Variants in DYNC2I1 observed in about 807,000 individuals in gnomAD.
DYNC2I1 encodes cytoplasmic dynein 2 intermediate chain 1.
A neutral mutation model predicts 133.4 loss-of-function variants in DYNC2I1; 89 were observed. The observed-to-expected ratio is 0.67, with a 90% CI of 0.56 to 0.80. The LOEUF (loss-of-function observed/expected upper bound fraction) is 0.80, where lower values mean the gene tolerates loss of function less well. DYNC2I1 is among the 30% of genes least tolerant of loss of function. The pLI, the probability that DYNC2I1 is intolerant of heterozygous loss-of-function variation, is 0.00. For synonymous variants in DYNC2I1, 504 were observed against 484.3 expected (o/e 1.04, Z -0.54); for missense variants, 1,291 against 1,314.5 (o/e 0.98, Z 0.28).
chr7:158,861,332 G>A (rs1416393454), intron 1 of DYNC2I1, among the ~76,000 whole-genome samples: 1 of 152,146 alleles, frequency 6.6e-6, no homozygotes, highest in Non-Finnish European at 1.5e-5. Context: ...CAGACACAGC[G>A]AGCTTAATCT....
chr7:158,930,047 G>T (rs1202113467), intron 20 of DYNC2I1, among the ~76,000 whole-genome samples: 2 of 152,216 alleles, frequency 1.3e-5, no homozygotes, highest in African/African-American at 2.4e-5. Context: ...ATGGTGGAGA[G>T]AGAGGTCCTG....
intron 10 of DYNC2I1, chr7:158,905,280 A>G: frequency 3.0e-6 from 1 of 334,982 alleles, no homozygotes. Context: ...AGCTGGGACT[A>G]CAGGTGCTCG....
At chr7:158,912,778 C>T (rs545624570) in intron 12 of DYNC2I1, among the ~76,000 whole-genome samples, 2 of 152,244 alleles carry the variant, frequency 1.3e-5, no homozygotes, top group South Asian at 2.1e-4. Context: ...AAAGGGAAAT[C>T]GTTTGGTGAG....
chr7:158,877,689 AT>A (rs983945293), intron 4 of DYNC2I1, among the ~76,000 whole-genome samples: 12 of 151,692 alleles, frequency 7.9e-5, no homozygotes, highest in South Asian at 4.2e-4. Flanking sequence ...ACTTTTGCTT[AT>A]TTTTTTTCTC....
At chr7:158,886,154 T>C (rs1844577312) in intron 6 of DYNC2I1, among the ~76,000 whole-genome samples, 2 of 152,032 alleles carry the variant, frequency 1.3e-5, no homozygotes, top group South Asian at 4.1e-4. Context: ...TGTTTTGTGA[T>C]GGAGTCTTGC....
chr7:158,857,620 C>G (rs1004446009), intron 1 of DYNC2I1, among the ~76,000 whole-genome samples: 1 of 149,442 alleles, frequency 6.7e-6, no homozygotes, highest in Non-Finnish European at 1.5e-5. Context: ...TTACTGCAAC[C>G]TCCGACTCCA....
chr7:158,923,015 G>A (rs1340044832), intron 16 of DYNC2I1, among the ~76,000 whole-genome samples: 2 of 152,174 alleles, frequency 1.3e-5, no homozygotes, highest in Non-Finnish European at 2.9e-5. Flanking sequence ...GTCGCTCACA[G>A]CCCTTCTGGA....
chr7:158,955,338 A>G (rs1407165297), intron 4 of DYNC2I1, among the ~76,000 whole-genome samples: 1 of 152,014 alleles, frequency 6.6e-6, no homozygotes, highest in Non-Finnish European at 1.5e-5. Context: ...ACCCTGCCGC[A>G]CCTCTGCCAT....
At chr7:158,916,486 G>C (rs866101866) in intron 14 of DYNC2I1, among the ~76,000 whole-genome samples, 1 of 63,072 alleles carries the variant, frequency 1.6e-5, no homozygotes, top group East Asian at 3.3e-4. Context: ...ACGTCTACAT[G>C]CTGGTTGACA....
At chr7:158,857,031 C>G (rs1254472169) in intron 1 of DYNC2I1, among the ~76,000 whole-genome samples, 1 of 152,098 alleles carries the variant, frequency 6.6e-6, no homozygotes, top group African/African-American at 2.4e-5. Flanking sequence ...CTCCTCGCGC[C>G]CGGCCTGGAG....
chr7:158,926,563 T>G (rs1849648127), intron 19 of DYNC2I1, 100 bp downstream of exon 19: 1 of 1,314,422 alleles, frequency 7.6e-7, no homozygotes, highest in Non-Finnish European at 1.1e-6. Context: ...CAGTTAGCTG[T>G]GGTGGGAAAC....
upstream of DYNC2I1, among the ~76,000 whole-genome samples, chr7:158,851,634 A>T (rs1841063026): frequency 6.6e-6 from 1 of 152,232 alleles, no homozygotes; most frequent in African/African-American, 2.4e-5. Context: ...CAGGCCAACT[A>T]TAATAAGACT....
At chr7:158,905,936 C>T in intron 10 of DYNC2I1, 53 bp from the exon 11 acceptor site, 1 of 1,422,826 alleles carries the variant, frequency 7.0e-7, no homozygotes, top group Non-Finnish European at 9.7e-7. Flanking sequence ...TATTTTTTTG[C>T]TTGGAAGACA....
chr7:158,902,780 GC>G, intron 10 of DYNC2I1, 185 bp downstream of exon 10: 1 of 595,886 alleles, frequency 1.7e-6, no homozygotes, highest in East Asian at 2.8e-5. Context: ...TTGAGCACGA[GC>G]CCATCCAGAA....
At chr7:158,874,872 C>G (rs1002919686) in intron 3 of DYNC2I1, among the ~76,000 whole-genome samples, 1 of 152,134 alleles carries the variant, frequency 6.6e-6, no homozygotes, top group African/African-American at 2.4e-5. Flanking sequence ...TTCCGGTAGC[C>G]CCTCCACACT....
At chr7:158,934,700 C>A in intron 23 of DYNC2I1, 151 bp downstream of exon 23, 1 of 327,356 alleles carries the variant, frequency 3.1e-6, no homozygotes, top group Non-Finnish European at 4.4e-6. Context: ...CCCACCTCAG[C>A]CTCCCGAGTA....
At chr7:158,905,440 C>T (rs543945301) in intron 10 of DYNC2I1, among the ~76,000 whole-genome samples, 1 of 152,314 alleles carries the variant, frequency 6.6e-6, no homozygotes, top group East Asian at 1.9e-4. Context: ...CGTATCTGGC[C>T]AAGTTGTTCA....
chr7:158,928,011 C>T (rs1433326122), intron 20 of DYNC2I1, among the ~76,000 whole-genome samples: 4 of 152,180 alleles, frequency 2.6e-5, no homozygotes, highest in African/African-American at 9.7e-5. Context: ...GGGGCTTCTT[C>T]CTCTCAGTTT....
At chr7:158,948,349 C>T (rs529802626), downstream of DYNC2I1, among the ~76,000 whole-genome samples, 11 of 152,278 alleles carry the variant, frequency 7.2e-5, no homozygotes, top group East Asian at 1.7e-3. Flanking sequence ...AGGCAGACAG[C>T]GGTAATTTAA....
Sources: gnomAD v4.1 joint callset for allele counts (sites outside exome capture counted in the v4.1 genomes callset) on GRCh38, gnomAD v4.1.1 for gene constraint, MANE v1.5 for transcripts, NCBI Gene and HGNC (gene_info 2026-07-23, HGNC 2026-07-21) for gene names.